Variants in NDUFS4 observed in about 807,000 individuals in gnomAD.
NDUFS4 encodes the protein NADH:ubiquinone oxidoreductase subunit S4, also known as NADH dehydrogenase [ubiquinone] iron-sulfur protein 4, mitochondrial.
NDUFS4 carries 28 observed loss-of-function variants against 24.3 expected under a neutral mutation model. The ratio of observed to expected loss-of-function variants is 1.15; its 90% CI spans 0.85 to 1.58. The LOEUF (loss-of-function observed/expected upper bound fraction) is 1.58, where lower values mean the gene tolerates loss of function less well. NDUFS4 is among the 40% of genes most tolerant of loss of function. NDUFS4 has a pLI of 0.00. For missense variants in NDUFS4, 223 were observed against 207.9 expected (o/e 1.07, Z -0.45); for synonymous variants, 93 against 69.7 (o/e 1.34, Z -1.67).
chr5:53,575,647 T>C (rs1219253513), intron 1 of NDUFS4, among the ~76,000 whole-genome samples: 1 of 146,574 alleles, frequency 6.8e-6, no homozygotes, highest in Non-Finnish European at 1.5e-5. Context: ...GTTAAATCGA[T>C]TCATGTGCCT....
chr5:53,617,025 C>T (rs1203260704), intron 2 of NDUFS4, among the ~76,000 whole-genome samples: 2 of 152,124 alleles, frequency 1.3e-5, no homozygotes, highest in Non-Finnish European at 2.9e-5. Flanking sequence ...CTCTAATTCT[C>T]CATAGCCCTT....
chr5:53,561,378 T>G (rs1748838966), intron 1 of NDUFS4, among the ~76,000 whole-genome samples: 1 of 152,138 alleles, frequency 6.6e-6, no homozygotes. Flanking sequence ...TCACAATAAT[T>G]CAGGGATTGA....
At chr5:53,567,864 T>C (rs1749085804) in intron 1 of NDUFS4, among the ~76,000 whole-genome samples, 1 of 152,164 alleles carries the variant, frequency 6.6e-6, no homozygotes, top group African/African-American at 2.4e-5. Context: ...ACTTGAGCTC[T>C]TTTAAGGTTA....
At chr5:53,620,365 T>G (rs989859298) in intron 2 of NDUFS4, among the ~76,000 whole-genome samples, 2 of 152,172 alleles carry the variant, frequency 1.3e-5, no homozygotes, top group Non-Finnish European at 2.9e-5. Flanking sequence ...ACTTAATACA[T>G]TAATGATGCA....
intron 2 of NDUFS4, among the ~76,000 whole-genome samples, chr5:53,604,495 T>G (rs1367179233): frequency 6.6e-6 from 1 of 152,228 alleles, no homozygotes; most frequent in Non-Finnish European, 1.5e-5. Context: ...TGATCTAGGT[T>G]ACATCATCTT....
chr5:53,670,963 C>T (rs1740194669), intron 4 of NDUFS4, among the ~76,000 whole-genome samples: 2 of 151,224 alleles, frequency 1.3e-5, no homozygotes, highest in Non-Finnish European at 3.0e-5. Flanking sequence ...ATTATTTATA[C>T]TCTACTATCT....
At chr5:53,643,707 A>G (rs1751765372) in intron 2 of NDUFS4, among the ~76,000 whole-genome samples, 1 of 152,162 alleles carries the variant, frequency 6.6e-6, no homozygotes, top group East Asian at 1.9e-4. Context: ...GTGTGCCTAC[A>G]GGGACTAGGA....
chr5:53,578,747 T>C (rs1175739690), intron 1 of NDUFS4, among the ~76,000 whole-genome samples: 5 of 152,186 alleles, frequency 3.3e-5, no homozygotes, highest in South Asian at 2.1e-4. Context: ...TCATCATCAT[T>C]ATTCTTTCTT....
intron 1 of NDUFS4, among the ~76,000 whole-genome samples, chr5:53,579,522 A>G (rs1186015972): frequency 2.0e-5 from 3 of 152,210 alleles, no homozygotes; most frequent in Admixed American, 1.3e-4. Context: ...TGCCTGGGCA[A>G]CATAGCAAGA....
intron 4 of NDUFS4, among the ~76,000 whole-genome samples, chr5:53,662,661 C>T (rs1752380174): frequency 1.3e-5 from 2 of 152,088 alleles, no homozygotes; most frequent in African/African-American, 2.4e-5. Context: ...TAATTATTGC[C>T]TCAATTTCAG....
chr5:53,578,921 A>G lies in NDUFS4; in HGVS notation c.98+18161A>G, dbSNP rs146723539. Among the ~76,000 whole-genome samples, 90 of 152,292 alleles carry G rather than the reference A, an allele frequency of 5.9e-4. 1 individual carries two copies. In the East Asian group the frequency reaches 0.015, roughly 25 times the overall value. ...TTTGCAGTATTTTATGCATAAATAT[A>G]TAATAGAATTTTGTGCACCTGGCTT... On this transcript the variant is annotated intron_variant, in intron 1 of 4. Coordinates refer to ENST00000296684, the MANE Select transcript of NDUFS4 (RefSeq NM_002495.4).
intron 1 of NDUFS4, among the ~76,000 whole-genome samples, chr5:53,590,654 C>T (rs1417669484): frequency 1.3e-5 from 2 of 152,148 alleles, no homozygotes; most frequent in African/African-American, 2.4e-5. Flanking sequence ...GAGACTGTCT[C>T]TAGGCAGTTA....
chr5:53,564,549 T>C (rs1282003894), intron 1 of NDUFS4, among the ~76,000 whole-genome samples: 1 of 152,216 alleles, frequency 6.6e-6, no homozygotes. Flanking sequence ...AAAATAATTA[T>C]TATATTTTGA....
chr5:53,563,864 TTAAC>T (rs1220198659), intron 1 of NDUFS4, among the ~76,000 whole-genome samples: 1 of 152,234 alleles, frequency 6.6e-6, no homozygotes, highest in African/African-American at 2.4e-5. Context: ...CAGGGTAAAT[TTAAC>T]TATTCTAAAT....
intron 1 of NDUFS4, among the ~76,000 whole-genome samples, chr5:53,591,478 A>G (rs1323969120): frequency 1.5e-5 from 2 of 137,622 alleles, no homozygotes; most frequent in African/African-American, 5.5e-5. Flanking sequence ...GGGGGGTGAT[A>G]ATAACTATCG....
chr5:53,584,522 TAG>T (rs1579836978), intron 1 of NDUFS4, among the ~76,000 whole-genome samples: 1 of 151,758 alleles, frequency 6.6e-6, no homozygotes, highest in African/African-American at 2.4e-5. Flanking sequence ...GTATTTTTAG[TAG>T]AGACGGGGTT....
chr5:53,569,049 TCTC>T (rs1490601781), intron 1 of NDUFS4, among the ~76,000 whole-genome samples: 3 of 152,184 alleles, frequency 2.0e-5, no homozygotes, highest in Non-Finnish European at 2.9e-5. Context: ...GCCATATGCT[TCTC>T]CTAAAAATGT....
At chr5:53,638,881 A>T (rs1467934153) in intron 2 of NDUFS4, among the ~76,000 whole-genome samples, 2 of 152,078 alleles carry the variant, frequency 1.3e-5, no homozygotes, top group East Asian at 3.9e-4. Flanking sequence ...CTATAGCTAT[A>T]GCTAATGTTA....
intron 4 of NDUFS4, among the ~76,000 whole-genome samples, chr5:53,659,162 T>C (rs1752250932): frequency 6.6e-6 from 1 of 152,084 alleles, no homozygotes; most frequent in African/African-American, 2.4e-5. Context: ...ATCTCAACTG[T>C]ATAATAATAT....
Sources: gnomAD v4.1 joint callset for allele counts (sites outside exome capture counted in the v4.1 genomes callset) on GRCh38, gnomAD v4.1.1 for gene constraint, MANE v1.5 for transcripts, NCBI Gene and HGNC (gene_info 2026-07-23, HGNC 2026-07-21) for gene names.